The following RAD51B variants were observed in gnomAD, a reference collection of about 807,000 sequenced individuals.
RAD51B encodes RAD51 paralog B.
RAD51B carries 38 observed loss-of-function variants against 42.2 expected under a neutral mutation model. The observed-to-expected ratio is 0.90, with a 90% CI of 0.70 to 1.18. RAD51B has a LOEUF of 1.18. RAD51B is among the 50% of genes most tolerant of loss of function. RAD51B has a pLI of 0.00. For synonymous variants in RAD51B, 154 were observed against 145.2 expected, an observed-to-expected ratio of 1.06 and a Z score of -0.43; for missense variants, 373 against 400.7, an observed-to-expected ratio of 0.93 and a Z score of 0.59.
intron 8 of RAD51B, among the ~76,000 whole-genome samples, chr14:68,333,390 AC>A (rs1019687351): frequency 6.6e-6 from 1 of 152,146 alleles, no homozygotes; most frequent in Non-Finnish European, 1.5e-5. Context: ...CAAAACAAAA[AC>A]CCTAAATGTT....
intron 7 of RAD51B, among the ~76,000 whole-genome samples, chr14:68,231,896 T>C (rs529813872): frequency 2.1e-4 from 32 of 152,248 alleles, no homozygotes; most frequent in African/African-American, 6.5e-4. Flanking sequence ...TTATTATTGA[T>C]AGTAGACACA....
intron 7 of RAD51B, among the ~76,000 whole-genome samples, chr14:68,212,279 T>C (rs561819913): frequency 3.3e-5 from 5 of 152,356 alleles, no homozygotes; most frequent in African/African-American, 1.2e-4. Flanking sequence ...GAATACTAGG[T>C]CAGCCACTTA....
chr14:68,422,261 A>G (rs1025560062), intron 9 of RAD51B: 1 of 781,654 alleles, frequency 1.3e-6, no homozygotes, highest in African/African-American at 1.7e-5. Context: ...TTAATAGCTT[A>G]TAAAATTAGG....
At chr14:68,392,927 A>G (rs1274360581) in intron 8 of RAD51B, among the ~76,000 whole-genome samples, 1 of 152,094 alleles carries the variant, frequency 6.6e-6, no homozygotes, top group South Asian at 2.1e-4. Context: ...GACATAGGAC[A>G]TGTGTGTGTT....
intron 7 of RAD51B, among the ~76,000 whole-genome samples, chr14:68,001,888 A>G (rs910750095): frequency 6.6e-6 from 1 of 152,134 alleles, no homozygotes; most frequent in Non-Finnish European, 1.5e-5. Flanking sequence ...CAATTTTTTT[A>G]TGGCTGCATA....
chr14:68,047,765 T>C (rs1469069373), intron 7 of RAD51B, among the ~76,000 whole-genome samples: 1 of 152,154 alleles, frequency 6.6e-6, no homozygotes, highest in Non-Finnish European at 1.5e-5. Context: ...TACAAATGAG[T>C]CTACTGCTTT....
At chr14:68,088,014 A>T (rs559357577) in intron 7 of RAD51B, among the ~76,000 whole-genome samples, 4 of 131,080 alleles carry the variant, frequency 3.1e-5, no homozygotes, top group South Asian at 2.2e-4. Flanking sequence ...ATTATATAAT[A>T]TATTATTATA....
At chr14:68,287,283 T>C (rs2081431571) in intron 7 of RAD51B, among the ~76,000 whole-genome samples, 1 of 152,258 alleles carries the variant, frequency 6.6e-6, no homozygotes, top group South Asian at 2.1e-4. Flanking sequence ...TGACACTATA[T>C]GAGGTGCCAT....
At chr14:67,908,485 G>A (rs1224488235) in intron 7 of RAD51B, 1 of 151,840 alleles carries the variant, frequency 6.6e-6, no homozygotes, top group Non-Finnish European at 1.5e-5. Flanking sequence ...GAGTAAATTA[G>A]CTTACTTGGA....
exon 11 of RAD51B, chr14:68,611,279 T>C (rs1488758240): frequency 1.4e-6 from 1 of 702,042 alleles, no homozygotes; most frequent in South Asian, 1.5e-5. Context: ...GACTTCCAGA[T>C]CTACATTTAA....
intron 4 of RAD51B, among the ~76,000 whole-genome samples, chr14:67,862,858 T>C (rs2042206978): frequency 6.6e-6 from 1 of 152,106 alleles, no homozygotes; most frequent in South Asian, 2.1e-4. Flanking sequence ...TGATTTTTAA[T>C]GTTTATAATT....
intron 7 of RAD51B, among the ~76,000 whole-genome samples, chr14:67,940,023 C>CACATATATATATATATATAT (rs1408534826): frequency 1.5e-4 from 5 of 34,322 alleles, no homozygotes; most frequent in African/African-American, 6.1e-4. Context: ...TTGATAGATG[C>CACATATATATATATATATAT]ATATATATAT....
intron 10 of RAD51B, among the ~76,000 whole-genome samples, chr14:68,558,002 C>G (rs1888943485): frequency 6.6e-6 from 1 of 152,332 alleles, no homozygotes; most frequent in South Asian, 2.1e-4. Context: ...AGAAAACTCT[C>G]TAACAGCAGG....
intron 7 of RAD51B, among the ~76,000 whole-genome samples, chr14:67,923,940 C>G (rs1239478986): frequency 6.6e-6 from 1 of 152,100 alleles, no homozygotes; most frequent in East Asian, 1.9e-4. Flanking sequence ...AAGGTGGTAT[C>G]ACATTGTGGT....
At chr14:68,253,429 G>A (rs2080684351) in intron 7 of RAD51B, among the ~76,000 whole-genome samples, 1 of 152,034 alleles carries the variant, frequency 6.6e-6, no homozygotes, top group East Asian at 1.9e-4. Flanking sequence ...GAATGTTAAT[G>A]TGTGTTTTTG....
chr14:68,058,620 A>G (rs538451760), intron 7 of RAD51B, among the ~76,000 whole-genome samples: 32 of 152,220 alleles, frequency 2.1e-4, no homozygotes, highest in Non-Finnish European at 3.7e-4. Flanking sequence ...GTTGTATAGT[A>G]TACCATCATA....
At chr14:68,335,222 A>T (rs1465629392) in intron 8 of RAD51B, among the ~76,000 whole-genome samples, 1 of 146,782 alleles carries the variant, frequency 6.8e-6, no homozygotes, top group Non-Finnish European at 1.5e-5. Flanking sequence ...GCTTGAACCC[A>T]GGAGGTGGAG....
At chr14:68,093,432 G>A (rs2077137517) in intron 7 of RAD51B, among the ~76,000 whole-genome samples, 1 of 151,994 alleles carries the variant, frequency 6.6e-6, no homozygotes, top group Non-Finnish European at 1.5e-5. Flanking sequence ...GTTTTGGGAG[G>A]GTGTATGTGT....
chr14:68,677,768 G>A (rs1363202880), intron 11 of RAD51B, among the ~76,000 whole-genome samples: 4 of 152,204 alleles, frequency 2.6e-5, no homozygotes, highest in Non-Finnish European at 5.9e-5. Flanking sequence ...GGGCCATGAT[G>A]GTGTCAGTCC....
Sources: allele counts gnomAD v4.1 joint callset (sites outside exome capture counted in the v4.1 genomes callset), GRCh38; gene constraint gnomAD v4.1.1; transcripts MANE v1.5; gene names NCBI Gene and HGNC (gene_info 2026-07-23, HGNC 2026-07-21).